Variants in GATB observed in about 807,000 individuals in gnomAD.
The protein encoded by GATB is glutamyl-tRNA amidotransferase subunit B.
In GATB, 39 loss-of-function variants were observed where a neutral mutation model predicts 62.3. That is an observed-to-expected ratio of 0.63 (90% CI 0.48 to 0.82). The LOEUF (loss-of-function observed/expected upper bound fraction) is 0.82, where lower values mean the gene tolerates loss of function less well. GATB is among the 40% of genes least tolerant of loss of function. The pLI is 0.00. For missense variants in GATB, 670 were observed against 684.0 expected, an observed-to-expected ratio of 0.98 and a Z score of 0.23; for synonymous variants, 276 against 258.9, an observed-to-expected ratio of 1.07 and a Z score of -0.63.
chr4:151,732,593 G>T (rs1305842032), intron 2 of GATB, among the ~76,000 whole-genome samples: 1 of 151,866 alleles, frequency 6.6e-6, no homozygotes, highest in African/African-American at 2.4e-5. Flanking sequence ...AAGGCTGCAG[G>T]GTCCTCTGCC....
intron 2 of GATB, among the ~76,000 whole-genome samples, chr4:151,758,303 C>T (rs1373940729): frequency 6.6e-6 from 1 of 152,172 alleles, no homozygotes; most frequent in Non-Finnish European, 1.5e-5. Flanking sequence ...TTCAGTAACC[C>T]TTCCTTAACC....
chr4:151,754,427 G>T (rs933002805), intron 2 of GATB, among the ~76,000 whole-genome samples: 1 of 152,130 alleles, frequency 6.6e-6, no homozygotes, highest in Admixed American at 6.5e-5. Context: ...TTTATTAAAA[G>T]GTAGTGCAAC....
At chr4:151,694,405 T>C (rs1174415929) in intron 9 of GATB, among the ~76,000 whole-genome samples, 2 of 152,132 alleles carry the variant, frequency 1.3e-5, no homozygotes, top group African/African-American at 4.8e-5. Flanking sequence ...AAGCTCCTCA[T>C]CCCTTGCATC....
intron 10 of GATB, among the ~76,000 whole-genome samples, chr4:151,681,390 G>T (rs1221169977): frequency 2.0e-5 from 3 of 152,236 alleles, no homozygotes; most frequent in African/African-American, 7.2e-5. Context: ...CAGAACATCT[G>T]TGAACCACCC....
intron 10 of GATB, among the ~76,000 whole-genome samples, chr4:151,682,500 C>T (rs540932869): frequency 6.6e-6 from 1 of 152,280 alleles, no homozygotes; most frequent in African/African-American, 2.4e-5. Context: ...AAGAAACTGA[C>T]ACCGCGGCCT....
Position 151,688,630 on chromosome 4 carries a change from C to G in GATB, c.1331G>C (p.Ser444Thr), listed in dbSNP as rs761753310. The G allele has an allele frequency of 1.1e-5, 17 of 1,602,242 alleles. No individual in the cohort carries two copies. In the African/African-American group the frequency reaches 2.3e-4, roughly 22 times the overall value. Residue 444 changes from serine to threonine, a missense_variant and splice_region_variant, in exon 10 of 13, where the codon AGT (serine) becomes ACT (threonine). By Grantham distance (58) the Ser-to-Thr change is moderately conservative. Coordinates refer to ENST00000263985, the MANE Select transcript of GATB (RefSeq NM_004564.3). Reference protein sequence around the residue: ...LKQQNLAVSESPVTPSALAEL... With the variant: ...LKQQNLAVSETPVTPSALAEL... ...GAAAGAAATCCCAGACCTCACTCAC[C>G]TCTCACTGACAGCGAGGTTCTGTTG...
chr4:151,712,558 G>C (rs1031643811), intron 5 of GATB, among the ~76,000 whole-genome samples: 5 of 152,234 alleles, frequency 3.3e-5, no homozygotes, highest in Non-Finnish European at 5.9e-5. Flanking sequence ...AACTGTTTCT[G>C]CAAACAGCAG....
intron 2 of GATB, chr4:151,723,270 G>C (rs1739066923): frequency 6.6e-6 from 1 of 152,112 alleles, no homozygotes; most frequent in African/African-American, 2.4e-5. Flanking sequence ...CTCATTCCTA[G>C]GGTAAATACT....
At chr4:151,673,093 G>C in intron 11 of GATB, 197 bp from the exon 12 acceptor site, 1 of 602,556 alleles carries the variant, frequency 1.7e-6, no homozygotes, top group Non-Finnish European at 2.8e-6. Context: ...GCATCCCTGA[G>C]TGCAGGGCTG....
chr4:151,733,027 A>C (rs1739300417), intron 2 of GATB, among the ~76,000 whole-genome samples: 1 of 152,122 alleles, frequency 6.6e-6, no homozygotes, highest in African/African-American at 2.4e-5. Flanking sequence ...CTGAAAGAGT[A>C]CCAACAGACA....
intron 2 of GATB, among the ~76,000 whole-genome samples, chr4:151,741,897 A>G (rs1453918079): frequency 6.6e-6 from 1 of 152,216 alleles, no homozygotes; most frequent in East Asian, 1.9e-4. Context: ...TCATCTTTAA[A>G]GGCAATAAGT....
At chr4:151,681,645 C>T (rs1356125437) in intron 10 of GATB, among the ~76,000 whole-genome samples, 4 of 152,142 alleles carry the variant, frequency 2.6e-5, no homozygotes, top group African/African-American at 7.2e-5. Flanking sequence ...TAGGCCCATA[C>T]AAGTCGATGA....
intron 5 of GATB, among the ~76,000 whole-genome samples, chr4:151,709,482 A>G (rs1738776519): frequency 6.6e-6 from 1 of 152,180 alleles, no homozygotes; most frequent in Admixed American, 6.5e-5. Flanking sequence ...AGGAAGTCCC[A>G]ACTATTCCTG....
intron 2 of GATB, among the ~76,000 whole-genome samples, chr4:151,724,637 G>A (rs1739100261): frequency 2.0e-5 from 3 of 151,970 alleles, no homozygotes; most frequent in African/African-American, 2.4e-5. Context: ...TGCTTCTGCT[G>A]GGAATGCCCT....
chr4:151,706,391 C>T (rs1192726741), intron 6 of GATB, among the ~76,000 whole-genome samples: 1 of 151,756 alleles, frequency 6.6e-6, no homozygotes, highest in East Asian at 1.9e-4. Flanking sequence ...AGGTTACCAT[C>T]ACCACCTCTT....
Position 151,740,442 on chromosome 4 carries a change from A to G in GATB, c.327+18330T>C, listed in dbSNP as rs558993679. 5.6e-4 allele frequency among the ~76,000 whole-genome samples: 85 copies of G among 152,368 alleles called. 1 individual carries two copies. The highest frequency in any genetic ancestry group is 2.0e-3 in the African/African-American group (82 of 41,590). ...ACTGAATACTGTAGGCAACTGTAAC[A>G]CAACAGTAAGTATTTGTGTATCTAA... On this transcript the variant is annotated intron_variant, in intron 2 of 12. Coordinates refer to ENST00000263985, the MANE Select transcript of GATB (RefSeq NM_004564.3).
At chr4:151,755,521 T>C (rs1408654237) in intron 2 of GATB, among the ~76,000 whole-genome samples, 1 of 152,254 alleles carries the variant, frequency 6.6e-6, no homozygotes, top group Admixed American at 6.5e-5. Flanking sequence ...AATAAACATG[T>C]TGGGCGAATA....
At chr4:151,686,860 C>G (rs944262573) in intron 10 of GATB, 1 of 152,374 alleles carries the variant, frequency 6.6e-6, no homozygotes, top group Non-Finnish European at 1.5e-5. Context: ...GTTCCACTTA[C>G]GTTGTGCTGT....
At chr4:151,748,197 C>T (rs1739641491) in intron 2 of GATB, among the ~76,000 whole-genome samples, 2 of 152,160 alleles carry the variant, frequency 1.3e-5, no homozygotes, top group African/African-American at 4.8e-5. Context: ...AAAGAGCCCG[C>T]ATTGCCAAGT....
Sources: allele counts gnomAD v4.1 joint callset (sites outside exome capture counted in the v4.1 genomes callset), GRCh38; gene constraint gnomAD v4.1.1; transcripts MANE v1.5; gene names NCBI Gene and HGNC (gene_info 2026-07-23, HGNC 2026-07-21).